The following TBC1D22A variants were observed in gnomAD, a reference collection of about 807,000 sequenced individuals.
TBC1D22A encodes the protein putative GTPase activator.
TBC1D22A carries 38 observed loss-of-function variants against 60.2 expected under a neutral mutation model. The ratio of observed to expected loss-of-function variants is 0.63; its 90% confidence interval spans 0.49 to 0.83. The LOEUF (loss-of-function observed/expected upper bound fraction) is 0.83. Ranked by LOEUF, TBC1D22A falls within the 40% of genes least tolerant of loss-of-function variation. The probability of loss-of-function intolerance (pLI) is 0.00; values close to 1 mark genes in which losing one functional copy is unlikely to be tolerated. For missense variants in TBC1D22A, 628 were observed against 701.0 expected (o/e 0.90, Z 1.18); for synonymous variants, 302 against 281.7 (o/e 1.07, Z -0.72).
At chr22:46,955,155 C>T (rs1008056550) in intron 8 of TBC1D22A, among the ~76,000 whole-genome samples, 5 of 152,082 alleles carry the variant, frequency 3.3e-5, no homozygotes, top group Non-Finnish European at 7.4e-5. Context: ...CGTAGTGTTA[C>T]GTGGTATGTT....
At chr22:46,827,035 A>G (rs760437828) in intron 4 of TBC1D22A, among the ~76,000 whole-genome samples, 27 of 151,374 alleles carry the variant, frequency 1.8e-4, no homozygotes, top group South Asian at 4.2e-4. Flanking sequence ...TCTTTCCTCT[A>G]TCCTGTTGTA....
At chr22:46,888,251 G>C (rs1015296320) in intron 5 of TBC1D22A, among the ~76,000 whole-genome samples, 14 of 152,218 alleles carry the variant, frequency 9.2e-5, no homozygotes, top group African/African-American at 3.1e-4. Flanking sequence ...GTTAAGACCT[G>C]TCCTGAAAGA....
intron 11 of TBC1D22A, among the ~76,000 whole-genome samples, chr22:47,073,242 C>G (rs1603235964): frequency 6.6e-6 from 1 of 152,282 alleles, no homozygotes; most frequent in South Asian, 2.1e-4. Context: ...TTGTGGAAAC[C>G]ATATCCACGT....
At chr22:46,852,021 C>T (rs1296648631) in intron 4 of TBC1D22A, among the ~76,000 whole-genome samples, 1 of 152,142 alleles carries the variant, frequency 6.6e-6, no homozygotes, top group Non-Finnish European at 1.5e-5. Context: ...ACAAACTGGG[C>T]CTAGAAGATG....
chr22:47,132,510 A>C (rs1416621758), intron 12 of TBC1D22A, among the ~76,000 whole-genome samples: 2 of 124,038 alleles, frequency 1.6e-5, no homozygotes, highest in African/African-American at 2.9e-5. Context: ...TAGTCCCTGC[A>C]CCGCCCCGCC....
chr22:47,105,559 G>C (rs1462536982), intron 11 of TBC1D22A, among the ~76,000 whole-genome samples: 1 of 152,084 alleles, frequency 6.6e-6, no homozygotes, highest in Non-Finnish European at 1.5e-5. Flanking sequence ...TCTTAGCCTT[G>C]GCCAGGTTAA....
rs539360515 is a variant in TBC1D22A, at chr22:46,865,612, C to T, written c.638-13041C>T. Among the ~76,000 whole-genome samples, 51 of 152,302 alleles carry T rather than the reference C, an allele frequency of 3.3e-4. No individual in the cohort carries two copies. The South Asian group carries it at 5.0e-3, about 15-fold the overall frequency. The stretch of plus-strand genomic sequence containing the variant: ...ATCCCCAAGGGAAATGAGACCCTTC[C>T]AGCCCCTTCAGCTGTGATTTGTCTT... On this transcript the variant is annotated intron_variant, in intron 4 of 12. Transcript: ENST00000337137.
intron 12 of TBC1D22A, among the ~76,000 whole-genome samples, chr22:47,125,420 C>T (rs2066419559): frequency 6.6e-6 from 1 of 152,222 alleles, no homozygotes; most frequent in East Asian, 1.9e-4. Context: ...CACACGGTGA[C>T]ACCAGCAGGT....
At chr22:46,929,858 G>A (rs1258012410) in intron 8 of TBC1D22A, among the ~76,000 whole-genome samples, 4 of 152,094 alleles carry the variant, frequency 2.6e-5, no homozygotes, top group Non-Finnish European at 4.4e-5. Flanking sequence ...TGTGCCCAAC[G>A]GTCCCCTGGA....
intron 8 of TBC1D22A, 112 bp from the exon 9 acceptor site, chr22:46,974,178 G>A: frequency 1.3e-6 from 1 of 788,154 alleles, no homozygotes; most frequent in Non-Finnish European, 2.1e-6. Flanking sequence ...TGATGAGAGT[G>A]GGTGGAGGGA....
intron 9 of TBC1D22A, among the ~76,000 whole-genome samples, chr22:46,977,056 C>T (rs919550564): frequency 6.6e-6 from 1 of 152,208 alleles, no homozygotes; most frequent in Non-Finnish European, 1.5e-5. Flanking sequence ...AGCTCGGTTA[C>T]ACCCAGCACA....
rs138741328 is a variant in TBC1D22A, at chr22:47,151,034, C to G, written c.1426-22464C>G. On this transcript the variant is annotated intron_variant, in intron 12 of 12. Transcript: ENST00000337137. ...CTGTGATGCTGGGGCCATGGGGTCTCAGAGAGGATGTGGGATCCGCTGTGG... is the reference window on the plus strand; with the variant it reads ...CTGTGATGCTGGGGCCATGGGGTCTGAGAGAGGATGTGGGATCCGCTGTGG... 2.2e-3 allele frequency among the ~76,000 whole-genome samples: 340 copies of G among 152,218 alleles called. 2 individuals carry two copies. The highest frequency in any genetic ancestry group is 7.8e-3 in the African/African-American group (325 of 41,554).
intron 4 of TBC1D22A, among the ~76,000 whole-genome samples, chr22:46,845,354 A>G (rs1159115647): frequency 1.3e-5 from 2 of 152,226 alleles, no homozygotes; most frequent in African/African-American, 4.8e-5. Context: ...CATGGAGAAG[A>G]TTAAGGGCAG....
In TBC1D22A at chr22:46,977,832, C is replaced by G. The variant is rs144788069; in HGVS notation, c.1125+3433C>G. Among the ~76,000 whole-genome samples, 221 of 152,268 alleles carry G rather than the reference C, an allele frequency of 1.5e-3. 1 individual carries two copies. Among genetic ancestry groups the G allele is most frequent in the African/African-American group, 4.9e-3 (205 of 41,558 alleles). ...ACAACCAGATCTCATGACCCAGCGA[C>G]GCAGCGCTAGCAGGGATGGTGCTAA... is the stretch of plus-strand genomic sequence containing the variant. On this transcript the variant is annotated intron_variant, in intron 9 of 12. Transcript: ENST00000337137.
chr22:47,074,861 C>T (rs960306336), intron 11 of TBC1D22A, among the ~76,000 whole-genome samples: 2 of 152,188 alleles, frequency 1.3e-5, no homozygotes, highest in African/African-American at 4.8e-5. Flanking sequence ...CATCAGTGTT[C>T]TTGTGAGCAT....
intron 12 of TBC1D22A, among the ~76,000 whole-genome samples, chr22:47,153,481 T>C (rs1321279839): frequency 6.6e-6 from 1 of 150,400 alleles, no homozygotes; most frequent in East Asian, 2.0e-4. Flanking sequence ...CAGGAGAGGC[T>C]GCAGGCAGAA....
intron 4 of TBC1D22A, among the ~76,000 whole-genome samples, chr22:46,811,327 A>C (rs907774944): frequency 6.6e-6 from 1 of 152,192 alleles, no homozygotes; most frequent in Non-Finnish European, 1.5e-5. Context: ...CCATCTCTTC[A>C]TTCATCCGTC....
intron 8 of TBC1D22A, among the ~76,000 whole-genome samples, chr22:46,930,755 G>A (rs576547845): frequency 5.8e-4 from 88 of 151,944 alleles, no homozygotes; most frequent in Non-Finnish European, 1.1e-3. Context: ...GAGCCACCGC[G>A]CCCAGCCTTT....
chr22:47,169,025 C>T (rs1016294693), intron 12 of TBC1D22A, among the ~76,000 whole-genome samples: 3 of 152,184 alleles, frequency 2.0e-5, no homozygotes, highest in African/African-American at 7.2e-5. Flanking sequence ...TGTTGGAACC[C>T]GCCCGGGGCA....
Sources: gnomAD v4.1 joint callset for allele counts (sites outside exome capture counted in the v4.1 genomes callset) on GRCh38, gnomAD v4.1.1 for gene constraint, MANE v1.5 for transcripts, NCBI Gene and HGNC (gene_info 2026-07-23, HGNC 2026-07-21) for gene names.